CCDC141: variants seen among roughly 807,000 people sequenced by gnomAD.
CCDC141 encodes the protein coiled-coil domain-containing protein 141.
In CCDC141, 168 loss-of-function variants were observed where a neutral mutation model predicts 181.0. The observed-to-expected ratio is 0.93, with a 90% CI of 0.82 to 1.05. The LOEUF (loss-of-function observed/expected upper bound fraction) is 1.05, where lower values mean the gene tolerates loss of function less well. Ranked by LOEUF, CCDC141 falls within the 50% of genes least tolerant of loss-of-function variation. The pLI, the probability that CCDC141 is intolerant of heterozygous loss-of-function variation, is 0.00. For synonymous variants in CCDC141, 666 were observed against 642.3 expected, an observed-to-expected ratio of 1.04 and a Z score of -0.56; for missense variants, 1,902 against 1,788.5, an observed-to-expected ratio of 1.06 and a Z score of -1.14.
At position 178,837,013 on chromosome 2, in the gene CCDC141, G is replaced by T; in HGVS notation, c.4206C>A (p.Val1402=). 1.2e-6 allele frequency: 2 copies of T among 1,613,864 alleles called. No individual in the cohort carries two copies. The highest frequency in any genetic ancestry group is 2.2e-5 in the South Asian group (2 of 90,984). The change falls in exon 23 of 24, where the codon GTC becomes GTA. Residue 1402 remains valine, a synonymous_variant. Transcript: ENST00000443758. ...IKSTSAKSSV[V]SLADQAPNFS... ...AATTAGGTGCCTGGTCAGCTAGGCT[G>T]ACCACGCTGCTCTTTGCTGATGTGC...
rs1017036149 is a variant in CCDC141 at position 178,834,301 on chromosome 2, C to T, written c.4465G>A (p.Ala1489Thr). The T allele has an allele frequency of 6.5e-6, 10 of 1,535,922 alleles. No individual in the cohort carries two copies. Among genetic ancestry groups the T allele is most frequent in the South Asian group, 4.8e-5 (4 of 84,042 alleles). The change falls in exon 24 of 24, where the codon GCT (alanine) becomes ACT (threonine). Residue 1489 changes from alanine (A) to threonine (T), a missense_variant. Ala to Thr is a moderately conservative substitution (Grantham distance 58). Transcript: ENST00000443758. ...TGGAGGATGACATTGGAAGAGAGAG[C>T]GCCGCTAGAGTTTTGGGCCCGAGCC... ...YVARAQNSSGALSSNVILHVT... is the reference protein window; with the variant it reads ...YVARAQNSSGTLSSNVILHVT...
Position 178,833,285 on chromosome 2 carries a change from T to A in CCDC141, c.*888A>T, listed in dbSNP as rs1452836985. On this transcript the variant is annotated 3_prime_UTR_variant, in exon 24 of 24. Transcript: ENST00000443758. ...CCCTCAGTGTTTTCCATTTTCCAGA[T>A]GTTTAAAAGACACAAAATGAAAACT... The A allele has an allele frequency of 6.6e-6, 1 of 152,202 alleles. No homozygotes were observed. The highest frequency in any genetic ancestry group is 6.5e-5 in the Admixed American group (1 of 15,280). The allele number at this position is 152,202 out of a possible 1,614,324, so 9.4% of individuals were successfully genotyped here.
intron 8 of CCDC141, among the ~76,000 whole-genome samples, chr2:178,899,180 TA>T (rs1687561008): frequency 6.6e-6 from 1 of 152,194 alleles, no homozygotes; most frequent in South Asian, 2.1e-4. Context: ...TTCAATACAG[TA>T]ACATGCTGCA....
chr2:179,005,370 T>C (rs1335989720), intron 2 of CCDC141, among the ~76,000 whole-genome samples: 1 of 152,124 alleles, frequency 6.6e-6, no homozygotes, highest in East Asian at 1.9e-4. Flanking sequence ...ATTGTTTAAA[T>C]AGTTTTAAAA....
At chr2:178,855,316 C>A in intron 19 of CCDC141, 31 bp downstream of exon 19, 1 of 1,566,480 alleles carries the variant, frequency 6.4e-7, no homozygotes, top group South Asian at 1.2e-5. Flanking sequence ...AACAACATTA[C>A]AACATGGATA....
chr2:178,929,001 A>G (rs1012383640), intron 6 of CCDC141, among the ~76,000 whole-genome samples: 1 of 152,194 alleles, frequency 6.6e-6, no homozygotes, highest in African/African-American at 2.4e-5. Context: ...TTTACCTGGA[A>G]AGTTCATTAA....
At chr2:178,944,928 A>G (rs1161267405) in intron 5 of CCDC141, among the ~76,000 whole-genome samples, 1 of 152,168 alleles carries the variant, frequency 6.6e-6, no homozygotes, top group African/African-American at 2.4e-5. Flanking sequence ...CCTAACAAAG[A>G]ATCAAAATAG....
At chr2:178,940,031 A>G (rs1428040085) in intron 6 of CCDC141, among the ~76,000 whole-genome samples, 1 of 152,232 alleles carries the variant, frequency 6.6e-6, no homozygotes, top group Non-Finnish European at 1.5e-5. Flanking sequence ...GTTAAAAAGA[A>G]TATCTTAAGA....
intron 11 of CCDC141, among the ~76,000 whole-genome samples, chr2:178,881,913 T>TCACACACA (rs1270989895): frequency 9.0e-6 from 1 of 110,942 alleles, no homozygotes; most frequent in Non-Finnish European, 1.8e-5. Flanking sequence ...TCTCTCTCTC[T>TCACACACA]CTCACACACA....
At chr2:179,007,600 A>T (rs2154384075) in intron 2 of CCDC141, among the ~76,000 whole-genome samples, 1 of 152,268 alleles carries the variant, frequency 6.6e-6, no homozygotes, top group Non-Finnish European at 1.5e-5. Context: ...TGTCTAAATG[A>T]GATTTTTATT....
the CCDC141 span, among the ~76,000 whole-genome samples, chr2:178,824,363 G>A: frequency 1.3e-5 from 2 of 152,076 alleles, no homozygotes; most frequent in Non-Finnish European, 2.9e-5. Flanking sequence ...CAGGCACAGT[G>A]GCTCACGCCA....
At chr2:178,908,566 C>T (rs920672009) in intron 7 of CCDC141, among the ~76,000 whole-genome samples, 2 of 152,190 alleles carry the variant, frequency 1.3e-5, no homozygotes, top group South Asian at 4.1e-4. Context: ...TCCCTTAAAT[C>T]ACCCTTAAAG....
intron 2 of CCDC141, among the ~76,000 whole-genome samples, chr2:178,981,681 T>G (rs1049881361): frequency 3.1e-4 from 40 of 127,248 alleles, no homozygotes; most frequent in African/African-American, 8.3e-4. Flanking sequence ...CATATATATA[T>G]ATAGAGAGAG....
chr2:179,048,067 A>C (rs577742615), intron 1 of CCDC141, among the ~76,000 whole-genome samples: 5 of 152,344 alleles, frequency 3.3e-5, no homozygotes, highest in Admixed American at 6.5e-5. Flanking sequence ...TTTCCACACA[A>C]GATTTACACT....
chr2:178,916,132 AAGAAC>A (rs1315437573), intron 7 of CCDC141, among the ~76,000 whole-genome samples: 4 of 152,224 alleles, frequency 2.6e-5, no homozygotes, highest in African/African-American at 9.6e-5. Flanking sequence ...GACTTCCTCT[AAGAAC>A]AGGAATGTTC....
intron 13 of CCDC141, 81 bp from the exon 14 acceptor site, chr2:178,871,633 G>A (rs1157250510): frequency 5.4e-6 from 8 of 1,485,066 alleles, no homozygotes; most frequent in African/African-American, 4.2e-5. Context: ...ATGACGCAGA[G>A]TGTGATCAAA....
chr2:178,886,742 T>A lies in CCDC141; in HGVS notation c.1527+10A>T. On this transcript the variant is annotated intron_variant, in intron 10 of 23. Transcript: ENST00000443758. Reference sequence around the variant, plus strand: ...ATTATAGCCATAATAATCATTCTCATTTTATTTACCTTAGCTTGGATATCT... The same window carrying A: ...ATTATAGCCATAATAATCATTCTCAATTTATTTACCTTAGCTTGGATATCT... 1 of 1,409,230 alleles carries A rather than the reference T, an allele frequency of 7.1e-7. No individual in the cohort carries two copies. The highest frequency in any genetic ancestry group is 9.5e-7 in the Non-Finnish European group (1 of 1,047,944). 87.3% of individuals were successfully genotyped at this position (1,409,230 alleles called of 1,614,324 possible).
At chr2:178,957,092 C>T (rs748906292) in intron 5 of CCDC141, among the ~76,000 whole-genome samples, 2 of 152,058 alleles carry the variant, frequency 1.3e-5, no homozygotes, top group African/African-American at 2.4e-5. Context: ...AGGCTGATCT[C>T]GAACTCCTGA....
At chr2:179,012,547 A>G (rs1336683792) in intron 2 of CCDC141, among the ~76,000 whole-genome samples, 1 of 152,144 alleles carries the variant, frequency 6.6e-6, no homozygotes, top group Non-Finnish European at 1.5e-5. Context: ...CATTCAAAGA[A>G]GAATTGGTAC....
Sources: allele counts gnomAD v4.1 joint callset (sites outside exome capture counted in the v4.1 genomes callset), GRCh38; gene constraint gnomAD v4.1.1; transcripts MANE v1.5; gene names NCBI Gene and HGNC (gene_info 2026-07-23, HGNC 2026-07-21).